PELI2: variants seen among roughly 807,000 people sequenced by gnomAD.
PELI2 encodes the protein E3 ubiquitin-protein ligase pellino homolog 2.
A neutral mutation model predicts 42.3 loss-of-function variants in PELI2; 23 were observed. The ratio of observed to expected loss-of-function variants is 0.54; its 90% CI spans 0.39 to 0.77. PELI2 has a LOEUF of 0.77. Among genes scored for constraint, PELI2 ranks in the 30% least tolerant of loss-of-function variants. The pLI, the probability that PELI2 is intolerant of heterozygous loss-of-function variation, is 0.00. For missense variants in PELI2, 463 were observed against 553.2 expected (o/e 0.84, Z 1.64); for synonymous variants, 245 against 212.2 (o/e 1.15, Z -1.34).
At chr14:56,125,419 G>A (rs936170123) in intron 1 of PELI2, among the ~76,000 whole-genome samples, 2 of 149,818 alleles carry the variant, frequency 1.3e-5, no homozygotes, top group Non-Finnish European at 2.9e-5. Flanking sequence ...GGTGGGCAGG[G>A]GGGGGGTGAA....
intron 2 of PELI2, among the ~76,000 whole-genome samples, chr14:56,179,365 G>A (rs1239777948): frequency 6.6e-6 from 1 of 152,130 alleles, no homozygotes; most frequent in East Asian, 1.9e-4. Context: ...ATGGCTTCAT[G>A]GAAGCATGTG....
chr14:56,129,465 G>A (rs751354787), intron 1 of PELI2, among the ~76,000 whole-genome samples: 1 of 152,236 alleles, frequency 6.6e-6, no homozygotes, highest in Non-Finnish European at 1.5e-5. Flanking sequence ...AAACTCCACT[G>A]GCAGAGCAGT....
chr14:56,252,890 C>T (rs528011863), intron 2 of PELI2, among the ~76,000 whole-genome samples: 2 of 152,282 alleles, frequency 1.3e-5, no homozygotes, highest in African/African-American at 4.8e-5. Flanking sequence ...CAAAACCTGG[C>T]AGAGACACAA....
intron 2 of PELI2, among the ~76,000 whole-genome samples, chr14:56,249,730 G>A (rs909549323): frequency 6.6e-6 from 1 of 152,170 alleles, no homozygotes; most frequent in Admixed American, 6.5e-5. Context: ...TGTGTGGCTC[G>A]TGTGTTCAGC....
chr14:56,144,893 A>C (rs551234637), intron 1 of PELI2: 1 of 740,462 alleles, frequency 1.4e-6, no homozygotes, highest in Non-Finnish European at 1.6e-6. Context: ...AAGGATTTCC[A>C]TCCTACTATT....
chr14:56,277,404 T>C (rs1889333324), intron 2 of PELI2, among the ~76,000 whole-genome samples: 1 of 151,874 alleles, frequency 6.6e-6, no homozygotes. Context: ...TGATGATCTG[T>C]CAGTATCTCC....
At chr14:56,270,807 T>G (rs1235325399) in intron 2 of PELI2, among the ~76,000 whole-genome samples, 1 of 152,194 alleles carries the variant, frequency 6.6e-6, no homozygotes, top group African/African-American at 2.4e-5. Context: ...GAGGTTATGG[T>G]TGGTGAGTAG....
intron 1 of PELI2, among the ~76,000 whole-genome samples, chr14:56,132,817 C>T (rs567096839): frequency 6.6e-6 from 1 of 152,260 alleles, no homozygotes; most frequent in East Asian, 1.9e-4. Flanking sequence ...AATTAATTCA[C>T]CCCAGTTTTC....
At chr14:56,150,834 G>A (rs1383999582) in intron 1 of PELI2, among the ~76,000 whole-genome samples, 4 of 152,146 alleles carry the variant, frequency 2.6e-5, no homozygotes, top group Admixed American at 6.5e-5. Context: ...ACAGCTGGTC[G>A]GGCAACCCTT....
intron 2 of PELI2, among the ~76,000 whole-genome samples, chr14:56,228,331 T>C (rs1001148757): frequency 6.6e-6 from 1 of 152,200 alleles, no homozygotes; most frequent in African/African-American, 2.4e-5. Context: ...GGAACCTATA[T>C]GTAGATCCAT....
intron 1 of PELI2, among the ~76,000 whole-genome samples, chr14:56,151,670 A>C (rs1405811491): frequency 6.6e-6 from 1 of 152,190 alleles, no homozygotes; most frequent in East Asian, 1.9e-4. Flanking sequence ...CTCCCCTATA[A>C]GTTTGAGATT....
In PELI2 at chr14:56,219,255, C is replaced by G. The variant is rs997977860; in HGVS notation, c.207+40791C>G. On this transcript the variant is annotated intron_variant, in intron 2 of 5. Coordinates refer to ENST00000267460, the MANE Select transcript of PELI2 (RefSeq NM_021255.3). This position sits in a 1 kb window ranked among gnomAD's most constrained non-coding sequence, Gnocchi z 4.1. ...AATAGGCAAGAAGGAAGGAAGAAGA[C>G]AGAAGGAAGAAGCTCCCCCGTACAG... Among the ~76,000 whole-genome samples, 2 of 151,894 alleles carry G rather than the reference C, an allele frequency of 1.3e-5. No individual in the cohort carries two copies. Among genetic ancestry groups the G allele is most frequent in the African/African-American group, 4.8e-5 (2 of 41,314 alleles).
chr14:56,252,339 A>G (rs894780167), intron 2 of PELI2, among the ~76,000 whole-genome samples: 2 of 152,230 alleles, frequency 1.3e-5, no homozygotes, highest in African/African-American at 4.8e-5. Flanking sequence ...ACAATGTCTT[A>G]CTGGGACACC....
intron 2 of PELI2, among the ~76,000 whole-genome samples, chr14:56,208,931 T>G (rs765290127): frequency 6.6e-6 from 1 of 152,232 alleles, no homozygotes; most frequent in Non-Finnish European, 1.5e-5. Context: ...CGTTAAAATT[T>G]AAGCTTTCAA....
chr14:56,245,290 ATATT>A (rs1439228451), intron 2 of PELI2, among the ~76,000 whole-genome samples: 5 of 152,176 alleles, frequency 3.3e-5, no homozygotes, highest in South Asian at 2.1e-4. Context: ...TAATGAAAAT[ATATT>A]AATTAATTAG....
At chr14:56,235,124 AAG>A (rs1887742770) in intron 2 of PELI2, among the ~76,000 whole-genome samples, 2 of 152,164 alleles carry the variant, frequency 1.3e-5, no homozygotes, top group African/African-American at 2.4e-5. Context: ...GCTTGGTGCA[AAG>A]GTAATTGTGT....
intron 2 of PELI2, among the ~76,000 whole-genome samples, chr14:56,208,269 C>G (rs927274671): frequency 5.3e-5 from 8 of 152,164 alleles, no homozygotes; most frequent in Non-Finnish European, 1.0e-4. Flanking sequence ...GGCAGTCTAA[C>G]TAGTTTCAGG....
chr14:56,212,786 G>GAAAC (rs1462223675), intron 2 of PELI2, among the ~76,000 whole-genome samples: 2 of 152,204 alleles, frequency 1.3e-5, no homozygotes, highest in Non-Finnish European at 2.9e-5. Context: ...GCTGGGCCAG[G>GAAAC]ACAGGGGATG....
chr14:56,174,849 C>T (rs986724402), intron 1 of PELI2, among the ~76,000 whole-genome samples: 2 of 152,124 alleles, frequency 1.3e-5, no homozygotes, highest in Admixed American at 6.5e-5. Context: ...ACGTTACAGT[C>T]GGGCTCCTGC....
Sources: gnomAD v4.1 joint callset for allele counts (sites outside exome capture counted in the v4.1 genomes callset) on GRCh38, gnomAD v4.1.1 for gene constraint, Gnocchi (gnomAD v3.1) non-coding constraint, MANE v1.5 for transcripts, NCBI Gene and HGNC (gene_info 2026-07-23, HGNC 2026-07-21) for gene names.